Variants in DLX1 observed in about 807,000 individuals in gnomAD.
DLX1 encodes homeobox protein DLX-1.
In DLX1, 7 loss-of-function variants were observed where a neutral mutation model predicts 25.0. The ratio of observed to expected loss-of-function variants is 0.28; its 90% CI spans 0.16 to 0.52. The LOEUF is 0.52. Ranked by LOEUF, DLX1 falls within the 20% of genes least tolerant of loss-of-function variation. DLX1 has a pLI of 0.96. For synonymous variants in DLX1, 155 were observed against 140.3 expected, an observed-to-expected ratio of 1.10 and a Z score of -0.74; for missense variants, 233 against 334.4, an observed-to-expected ratio of 0.70 and a Z score of 2.37.
rs1462107089 is a variant in DLX1, at chr2:172,085,935, G to T, written c.258G>T (p.Ser86=). Residue 86 remains serine (S), a synonymous_variant, in exon 1 of 3, where the codon TCG becomes TCT. Coordinates refer to ENST00000361725, the MANE Select transcript of DLX1 (RefSeq NM_178120.5). This position sits in a 1 kb window ranked among gnomAD's most constrained non-coding sequence, Gnocchi z 4.3. ...ACGCATCCAGCCCCTACATCAGTTCGGTGCAGTCCTACCCGGGCAGCGCCA... is the reference window on the plus strand; with the variant it reads ...ACGCATCCAGCCCCTACATCAGTTCTGTGCAGTCCTACCCGGGCAGCGCCA... The part of the protein sequence containing the change: ...SSHASSPYIS[S]VQSYPGSASL... 1.9e-6 allele frequency: 3 copies of T among 1,614,024 alleles called. No individual in the cohort carries two copies. In the Admixed American group the frequency reaches 5.0e-5, roughly 27 times the overall value.
Position 172,085,994 on chromosome 2 carries a change from C to T in DLX1, c.313+4C>T, listed in dbSNP as rs772295489. The T allele has an allele frequency of 1.9e-5, 30 of 1,604,908 alleles. No homozygotes were observed. In the East Asian group the frequency reaches 4.0e-4, roughly 22 times the overall value. On this transcript the variant is annotated splice_donor_region_variant and intron_variant, in intron 1 of 2. Coordinates refer to ENST00000361725, the MANE Select transcript of DLX1 (RefSeq NM_178120.5). The surrounding 1 kb of genome is among the most constrained non-coding windows in gnomAD (Gnocchi z 4.3). Reference sequence around the variant, plus strand: ...CAGAGCCGCCTGGAGGACCCAGGTACGTGCGCTTGCCAGGGAGAGGGAGAG... The same window carrying T: ...CAGAGCCGCCTGGAGGACCCAGGTATGTGCGCTTGCCAGGGAGAGGGAGAG...
chr2:172,089,074 A>C lies in DLX1; in HGVS notation c.*817A>C, dbSNP rs868801005. The stretch of plus-strand genomic sequence containing the variant: ...ACATGTCCGACATTATTTAATAAAT[A>C]ATTTTTAAAAGAAAAGAACGATAAA... On this transcript the variant is annotated 3_prime_UTR_variant, in exon 3 of 3. Transcript: ENST00000361725. 1.3e-5 allele frequency: 2 copies of C among 152,242 alleles called. No individual in the cohort carries two copies. Among genetic ancestry groups the C allele is most frequent in the Non-Finnish European group, 2.9e-5 (2 of 68,042 alleles). 9.4% of individuals were successfully genotyped at this position (152,242 alleles called of 1,614,324 possible). A position where few individuals can be genotyped will look rare whatever the true frequency, so the allele number is the denominator to read the frequency against.
In DLX1 at chr2:172,089,493, G is replaced by T. The variant is rs1206776213; in HGVS notation, c.*1236G>T. On this transcript the variant is annotated 3_prime_UTR_variant, in exon 3 of 3. Transcript: ENST00000361725. ...CCATGCTTTGTGAAATGAGAATCTT[G>T]ACATTTTTCTTGTGAAATTTGGAAA... 6.6e-6 allele frequency: 1 copy of T among 152,582 alleles called. No individual in the cohort carries two copies. Among genetic ancestry groups the T allele is most frequent in the African/African-American group, 2.4e-5 (1 of 41,432 alleles). The allele number at this position is 152,582 out of a possible 1,614,324, so 9.5% of individuals were successfully genotyped here. A position where few individuals can be genotyped will look rare whatever the true frequency, so the allele number is the denominator to read the frequency against.
rs765151121 is a variant in DLX1, at chr2:172,086,932, G to T, written c.513+79G>T. 2.6e-5 allele frequency: 38 copies of T among 1,458,414 alleles called. No individual in the cohort carries two copies. The African/African-American group carries it at 4.2e-4, about 16-fold the overall frequency. The allele number at this position is 1,458,414 out of a possible 1,614,324, so 90.3% of individuals were successfully genotyped here. ...GCGCCCGGGTCTTCATTTGTTGCTC[G>T]CTGGGACTCAGGGTCGGGGTGTCAC... On this transcript the variant is annotated intron_variant, in intron 2 of 2. Transcript: ENST00000361725.
At position 172,089,421 on chromosome 2, in the gene DLX1, G is replaced by T. The variant is rs889420909; in HGVS notation, c.*1164G>T. On this transcript the variant is annotated 3_prime_UTR_variant, in exon 3 of 3. Transcript: ENST00000361725. ...ATTATTGTTGTTCTGTAAACATGTT[G>T]CACAAGCTTAGCCTTTTTGCGTTCT... 5 of 152,602 alleles carry T rather than the reference G, an allele frequency of 3.3e-5. No individual in the cohort carries two copies. The highest frequency in any genetic ancestry group is 1.2e-4 in the African/African-American group (5 of 41,436). 9.5% of individuals were successfully genotyped at this position (152,602 alleles called of 1,614,324 possible). A position where few individuals can be genotyped will look rare whatever the true frequency, so the allele number is the denominator to read the frequency against.
At chr2:172,086,550 TG>T in intron 1 of DLX1, 103 bp from the exon 2 acceptor site, 1 of 1,142,128 alleles carries the variant, frequency 8.8e-7, no homozygotes, top group Non-Finnish European at 1.2e-6. Flanking sequence ...GTTCTCTCCC[TG>T]GTGCTGCCTC....
At chr2:172,086,458 C>A (rs546332023) in intron 1 of DLX1, 196 bp from the exon 2 acceptor site, 8 of 528,886 alleles carry the variant, frequency 1.5e-5, no homozygotes, top group Non-Finnish European at 2.3e-5. Context: ...CTCCTGGGAA[C>A]GGCTCTATCC....
chr2:172,087,956 A>T (rs2105520896), intron 2 of DLX1, 47 bp from the exon 3 acceptor site: 1 of 1,505,850 alleles, frequency 6.6e-7, no homozygotes, highest in Non-Finnish European at 8.9e-7. Context: ...TGACCTAGGT[A>T]GGCTCAGTGG....
chr2:172,086,955 C>T, intron 2 of DLX1, 102 bp downstream of exon 2: 1 of 1,208,176 alleles, frequency 8.3e-7, no homozygotes, highest in Middle Eastern at 1.9e-4. Context: ...GTCGGGGTGT[C>T]ACTGTGTGTA....
intron 1 of DLX1, 38 bp from the exon 2 acceptor site, chr2:172,086,616 C>T (rs1690843435): frequency 1.3e-6 from 2 of 1,502,144 alleles, no homozygotes; most frequent in South Asian, 1.3e-5. Context: ...GGCGGCCCCT[C>T]GTATTAACAA....
chr2:172,088,388 T>A lies in DLX1; in HGVS notation c.*131T>A. On this transcript the variant is annotated 3_prime_UTR_variant, in exon 3 of 3. Transcript: ENST00000361725. ...TGGAGGCGGGACGCCCTCCATCTCC[T>A]CGGAGCCCCGCGAGGTCCGGCCCAG... The A allele has an allele frequency of 8.1e-7, 1 of 1,229,080 alleles. No homozygotes were observed. Among genetic ancestry groups the A allele is most frequent in the Non-Finnish European group, 1.1e-6 (1 of 943,390 alleles). The allele number at this position is 1,229,080 out of a possible 1,614,324, so 76.1% of individuals were successfully genotyped here.
intron 2 of DLX1, chr2:172,087,585 A>G: frequency 2.1e-6 from 1 of 470,160 alleles, no homozygotes; most frequent in Non-Finnish European, 4.2e-6. Flanking sequence ...TCGCGTTGCA[A>G]ATAAATTTCC....
intron 2 of DLX1, chr2:172,087,609 A>C: frequency 2.1e-6 from 1 of 477,600 alleles, no homozygotes; most frequent in South Asian, 1.5e-5. Context: ...ACTCCTTCCT[A>C]GGTTTTCGAT....
rs767472300 is a variant in DLX1 at position 172,088,153 on chromosome 2, T to A, written c.664T>A (p.Ser222Thr). The A allele has an allele frequency of 2.0e-5, 32 of 1,610,564 alleles. No individual in the cohort carries two copies. In the Admixed American group the frequency reaches 4.2e-4, roughly 21 times the overall value. The change falls in exon 3 of 3, where the codon TCC becomes ACC. Residue 222 changes from serine to threonine, a missense_variant. Physicochemically the swap from Ser to Thr is moderately conservative, Grantham distance 58. This residue lies in a region of DLX1 where 84 missense variants were observed against 81.8 expected (regional missense o/e 1.03). Transcript: ENST00000361725. Reference sequence around the variant, plus strand: ...GCCCGGCTGGAACCCTAACTCTTCATCCGGGAAGGGCTCAGGAGGAAACGC... The same window carrying A: ...GCCCGGCTGGAACCCTAACTCTTCAACCGGGAAGGGCTCAGGAGGAAACGC... Reference protein sequence around the residue: ...VPPGWNPNSSSGKGSGGNAGS... With the variant: ...VPPGWNPNSSTGKGSGGNAGS...
rs1690931439 is a variant in DLX1 at position 172,089,390 on chromosome 2, ATT to A, written c.*1134_*1135del. 6.6e-6 allele frequency: 1 copy of A among 152,458 alleles called. No individual in the cohort carries two copies. The highest frequency in any genetic ancestry group is 1.5e-5 in the Non-Finnish European group (1 of 67,996). The allele number at this position is 152,458 out of a possible 1,614,324, so 9.4% of individuals were successfully genotyped here. ...TGTACATATTATTGTTATTATTATT[ATT>A]GTTATTATTGTTGTTCTGTAAACAT... On this transcript the variant is annotated 3_prime_UTR_variant, in exon 3 of 3. Coordinates refer to ENST00000361725, the MANE Select transcript of DLX1 (RefSeq NM_178120.5).
Position 172,085,876 on chromosome 2 carries a change from C to G in DLX1, c.199C>G (p.Leu67Val), listed in dbSNP as rs764222229. Reference protein sequence around the residue: ...YSSASSFSRPLGYPYVNSVSS... With the variant: ...YSSASSFSRPVGYPYVNSVSS... ...CTCAGCCTCGTCCTTCTCCCGACCG[C>G]TGGGCTACCCCTACGTCAACTCGGT... Residue 67 changes from leucine (L) to valine (V), a missense_variant, in exon 1 of 3, where the codon CTG (leucine) becomes GTG (valine). Physicochemically the swap from Leu to Val is conservative, Grantham distance 32. Transcript: ENST00000361725. This position sits in a 1 kb window ranked among gnomAD's most constrained non-coding sequence, Gnocchi z 4.3. 6.2e-7 allele frequency: 1 copy of G among 1,614,234 alleles called. No individual in the cohort carries two copies. Among genetic ancestry groups the G allele is most frequent in the South Asian group, 1.1e-5 (1 of 91,088 alleles).
At chr2:172,087,328 C>T in intron 2 of DLX1, 3 of 370,678 alleles carry the variant, frequency 8.1e-6, no homozygotes, top group Non-Finnish European at 1.6e-5. Context: ...AGTCCCAGAC[C>T]TTAGAGAAGA....
Position 172,088,134 on chromosome 2 carries a change from C to A in DLX1, c.645C>A (p.Gly215=). 6.2e-7 allele frequency: 1 copy of A among 1,610,326 alleles called. No individual in the cohort carries two copies. Among genetic ancestry groups the A allele is most frequent in the Non-Finnish European group, 8.5e-7 (1 of 1,178,154 alleles). ...LSAGSPPVPP[G]WNPNSSSGKG... ...CTGGCTCCCCACCCGTGCCGCCCGG[C>A]TGGAACCCTAACTCTTCATCCGGGA... Residue 215 remains glycine (G), a synonymous_variant, in exon 3 of 3, where the codon GGC becomes GGA. Transcript: ENST00000361725.
In DLX1 at chr2:172,086,010, AGAGGGAGAGGAG is replaced by A; in HGVS notation, c.313+25_313+36del. 6.7e-7 allele frequency: 1 copy of A among 1,493,396 alleles called. No individual in the cohort carries two copies. Among genetic ancestry groups the A allele is most frequent in the Admixed American group, 1.8e-5 (1 of 55,250 alleles). 92.5% of individuals were successfully genotyped at this position (1,493,396 alleles called of 1,614,324 possible). ...ACCCAGGTACGTGCGCTTGCCAGGG[AGAGGGAGAGGAG>A]GAGGTACAAGGGAGAGAGGGAAAGA... On this transcript the variant is annotated intron_variant, in intron 1 of 2. Transcript: ENST00000361725.
Sources: allele counts gnomAD v4.1 joint callset, GRCh38; gene constraint gnomAD v4.1.1; regional missense constraint gnomAD v4.1.1; non-coding constraint Gnocchi (gnomAD v3.1); transcripts MANE v1.5; gene names NCBI Gene and HGNC (gene_info 2026-07-23, HGNC 2026-07-21).